TOR1A: variants seen among roughly 807,000 people sequenced by gnomAD.
TOR1A encodes the protein torsin family 1 member A, also known as torsin-1A.
A neutral mutation model predicts 31.4 loss-of-function variants in TOR1A; 18 were observed. The ratio of observed to expected loss-of-function variants is 0.57; its 90% confidence interval spans 0.40 to 0.85. TOR1A has a LOEUF of 0.85. Ranked by LOEUF, TOR1A falls within the 40% of genes least tolerant of loss-of-function variation. TOR1A has a pLI of 0.00. For missense variants in TOR1A, 375 were observed against 416.4 expected, an observed-to-expected ratio of 0.90 and a Z score of 0.87; for synonymous variants, 168 against 165.9, an observed-to-expected ratio of 1.01 and a Z score of -0.10.
In TOR1A at chr9:129,824,040, A is replaced by G; in HGVS notation, c.46T>C (p.Ser16Pro). ...ATGGGCTCCACCGCCTGCACCACGG[A>G]CGGCGCCAGCAGCAGCAGGCCCAGC... ...AVLGLLLLAP[S>P]VVQAVEPISL... Residue 16 changes from serine (S) to proline (P), a missense_variant, in exon 1 of 5, where the codon TCC (serine) becomes CCC (proline). Coordinates refer to ENST00000351698, the MANE Select transcript of TOR1A (RefSeq NM_000113.3). The G allele has an allele frequency of 6.2e-7, 1 of 1,606,312 alleles. No individual in the cohort carries two copies. Among genetic ancestry groups the G allele is most frequent in the African/African-American group, 1.3e-5 (1 of 74,910 alleles).
intron 2 of TOR1A, 50 bp from the exon 3 acceptor site, chr9:129,818,970 C>T (rs2031113948): frequency 1.3e-6 from 2 of 1,593,308 alleles, no homozygotes; most frequent in East Asian, 4.5e-5. Flanking sequence ...CCAGGGCCAT[C>T]AATCAGCTCC....
At chr9:129,817,698 C>CA (rs34520229) in intron 4 of TOR1A, among the ~76,000 whole-genome samples, 227 of 94,410 alleles carry the variant, frequency 2.4e-3, no homozygotes, top group East Asian at 5.0e-3. Flanking sequence ...GACTCCATCT[C>CA]AAAAAAAAAA....
intron 2 of TOR1A, 164 bp downstream of exon 2, chr9:129,822,417 C>T (rs2031206122): frequency 1.0e-5 from 10 of 965,062 alleles, no homozygotes; most frequent in South Asian, 2.8e-5. Context: ...AACTGCTCCA[C>T]GCATCTCAAA....
In TOR1A at chr9:129,824,077, C is replaced by T. The variant is rs780118866; in HGVS notation, c.9G>A (p.Leu3=). The T allele has an allele frequency of 1.3e-6, 2 of 1,584,312 alleles. No individual in the cohort carries two copies. Among genetic ancestry groups the T allele is most frequent in the Non-Finnish European group, 1.7e-6 (2 of 1,169,114 alleles). Residue 3 remains leucine, a synonymous_variant, in exon 1 of 5, where the codon CTG becomes CTA. Coordinates refer to ENST00000351698, the MANE Select transcript of TOR1A (RefSeq NM_000113.3). MK[L]GRAVLGLLLL... ...GCAGCAGGCCCAGCACGGCCCGGCC[C>T]AGCTTCATGCCCGGACCCGCGCCAC...
At chr9:129,823,204 C>A in intron 1 of TOR1A, 1 of 377,088 alleles carries the variant, frequency 2.7e-6, no homozygotes, top group Non-Finnish European at 5.1e-6. Flanking sequence ...GAAGAGTCCT[C>A]ACCATCCTTC....
intron 1 of TOR1A, chr9:129,823,540 A>G (rs2031243436): frequency 2.7e-5 from 1 of 36,768 alleles, no homozygotes; most frequent in Admixed American, 3.6e-4. Context: ...CCCAGCCCCC[A>G]AACTCCGCTC....
At chr9:129,823,764 C>T (rs1413608799) in intron 1 of TOR1A, 144 bp downstream of exon 1, 7 of 1,036,168 alleles carry the variant, frequency 6.8e-6, no homozygotes, top group Admixed American at 4.6e-5. Flanking sequence ...CCCCAGGCCC[C>T]GCTCCAGCCC....
At chr9:129,821,097 G>GT (rs970263027) in intron 2 of TOR1A, among the ~76,000 whole-genome samples, 61 of 152,302 alleles carry the variant, frequency 4.0e-4, no homozygotes, top group African/African-American at 1.3e-3. Context: ...GAGGTCAGGA[G>GT]TTTGAGACCA....
intron 1 of TOR1A, 79 bp downstream of exon 1, chr9:129,823,829 G>GC: frequency 6.7e-7 from 1 of 1,492,306 alleles, no homozygotes; most frequent in Non-Finnish European, 9.0e-7. Context: ...CATTCTCCAT[G>GC]CCCTGGTCCT....
intron 4 of TOR1A, among the ~76,000 whole-genome samples, chr9:129,816,144 A>C (rs1397347172): frequency 6.6e-6 from 1 of 151,924 alleles, no homozygotes; most frequent in Non-Finnish European, 1.5e-5. Flanking sequence ...GTTTATCCTC[A>C]ACCAGTCACA....
In TOR1A at chr9:129,822,822, T is replaced by A; in HGVS notation, c.203A>T (p.Asn68Ile). ...CTTTGCAAGATGCTGTCCAAAGAGG[T>A]TGTCGTCCAGATCCTTCTGCAGTGC... Reference protein sequence around the residue: ...REALQKDLDDNLFGQHLAKKI... With the variant: ...REALQKDLDDILFGQHLAKKI... The change falls in exon 2 of 5, where the codon AAC becomes ATC. Residue 68 changes from asparagine to isoleucine, a missense_variant. Coordinates refer to ENST00000351698, the MANE Select transcript of TOR1A (RefSeq NM_000113.3). The A allele has an allele frequency of 6.2e-7, 1 of 1,613,990 alleles. No homozygotes were observed. Among genetic ancestry groups the A allele is most frequent in the Non-Finnish European group, 8.5e-7 (1 of 1,180,000 alleles).
rs189536074 is a variant in TOR1A, at chr9:129,818,073, G to A, written c.748+447C>T. Among the ~76,000 whole-genome samples, 823 of 152,132 alleles carry A rather than the reference G, an allele frequency of 5.4e-3. 10 individuals carry two copies. The highest frequency in any genetic ancestry group is 0.019 in the African/African-American group (780 of 41,500). On this transcript the variant is annotated intron_variant, in intron 4 of 4. Coordinates refer to ENST00000351698, the MANE Select transcript of TOR1A (RefSeq NM_000113.3). ...TGTAATCCCAGCACTTTGGGAGGCC[G>A]AGGTGGGCGGATCACCTGAGGTAAG...
chr9:129,822,570 T>C lies in TOR1A; in HGVS notation c.444+11A>G. 1 of 1,614,060 alleles carries C rather than the reference T, an allele frequency of 6.2e-7. No individual in the cohort carries two copies. The highest frequency in any genetic ancestry group is 8.5e-7 in the Non-Finnish European group (1 of 1,180,010). On this transcript the variant is annotated intron_variant, in intron 2 of 4. Coordinates refer to ENST00000351698, the MANE Select transcript of TOR1A (RefSeq NM_000113.3). ...GACATCCAGGAAGGGATTCCAAACT[T>C]CCATCCTTGCCTTGTACAAGGTGAT...
intron 1 of TOR1A, 107 bp from the exon 2 acceptor site, chr9:129,822,953 C>T: frequency 6.5e-7 from 1 of 1,533,004 alleles, no homozygotes; most frequent in Non-Finnish European, 8.9e-7. Flanking sequence ...GCCCTCCAAG[C>T]ACCTTGCGAA....
In TOR1A at chr9:129,822,567, A is replaced by G. The variant is rs372872992; in HGVS notation, c.444+14T>C. The G allele has an allele frequency of 3.1e-6, 5 of 1,613,964 alleles. No individual in the cohort carries two copies. In the African/African-American group the frequency reaches 6.7e-5, roughly 22 times the overall value. On this transcript the variant is annotated intron_variant, in intron 2 of 4. Coordinates refer to ENST00000351698, the MANE Select transcript of TOR1A (RefSeq NM_000113.3). ...GATGACATCCAGGAAGGGATTCCAAACTTCCATCCTTGCCTTGTACAAGGT... is the reference window on the plus strand; with the variant it reads ...GATGACATCCAGGAAGGGATTCCAAGCTTCCATCCTTGCCTTGTACAAGGT...
At position 129,816,757 on chromosome 9, in the gene TOR1A, A is replaced by T. The variant is rs188074090; in HGVS notation, c.748+1763T>A. Reference sequence around the variant, plus strand: ...GGCTCATCTGCCTCAGCATTAGGCTAAAGTTTCCACTGCATGTGCTCATGT... The same window carrying T: ...GGCTCATCTGCCTCAGCATTAGGCTTAAGTTTCCACTGCATGTGCTCATGT... On this transcript the variant is annotated intron_variant, in intron 4 of 4. Transcript: ENST00000351698. Among the ~76,000 whole-genome samples the T allele has an allele frequency of 3.4e-3, 521 of 152,362 alleles. 1 individual carries two copies. The highest frequency in any genetic ancestry group is 0.012 in the African/African-American group (495 of 41,578).
chr9:129,818,444 G>A (rs968213578), intron 4 of TOR1A, 76 bp downstream of exon 4: 2 of 1,600,880 alleles, frequency 1.2e-6, no homozygotes, highest in African/African-American at 2.7e-5. Flanking sequence ...GATGCTGACA[G>A]TGACCCTGAT....
chr9:129,814,751 G>T (rs566208946), intron 4 of TOR1A, among the ~76,000 whole-genome samples: 134 of 151,822 alleles, frequency 8.8e-4, no homozygotes, highest in African/African-American at 3.1e-3. Context: ...TCCACAGAAA[G>T]CGGGAAGCAA....
chr9:129,813,936 A>T lies in TOR1A; in HGVS notation c.*36T>A. ...AGGACTGAGTGTTGTTTCTTTTCCA[A>T]CTCCAGGCAGTGACTCCGGCTGCCA... is the stretch of plus-strand genomic sequence containing the variant. On this transcript the variant is annotated 3_prime_UTR_variant, in exon 5 of 5. Coordinates refer to ENST00000351698, the MANE Select transcript of TOR1A (RefSeq NM_000113.3). 6.2e-7 allele frequency: 1 copy of T among 1,611,752 alleles called. No individual in the cohort carries two copies. The highest frequency in any genetic ancestry group is 1.7e-5 in the Admixed American group (1 of 60,014).
Sources: gnomAD v4.1 joint callset for allele counts (sites outside exome capture counted in the v4.1 genomes callset) on GRCh38, gnomAD v4.1.1 for gene constraint, MANE v1.5 for transcripts, NCBI Gene and HGNC (gene_info 2026-07-23, HGNC 2026-07-21) for gene names.